SORBS2: variants seen among roughly 807,000 people sequenced by gnomAD.
The protein encoded by SORBS2 is sorbin and SH3 domain containing 2, also known as sorbin and SH3 domain-containing protein 2.
In SORBS2, 46 loss-of-function variants were observed where a neutral mutation model predicts 97.7. That is an observed-to-expected ratio of 0.47 (90% CI 0.37 to 0.60). The LOEUF (loss-of-function observed/expected upper bound fraction) is 0.60, where lower values mean the gene tolerates loss of function less well. Ranked by LOEUF, SORBS2 falls within the 20% of genes least tolerant of loss-of-function variation. The pLI, the probability that SORBS2 is intolerant of heterozygous loss-of-function variation, is 0.00. For synonymous variants in SORBS2, 476 were observed against 473.4 expected (o/e 1.01, Z -0.07); for missense variants, 1,316 against 1,282.3 (o/e 1.03, Z -0.40).
intron 1 of SORBS2, among the ~76,000 whole-genome samples, chr4:185,895,300 T>C (rs2099244472): frequency 1.3e-5 from 2 of 152,184 alleles, no homozygotes; most frequent in Admixed American, 1.3e-4. Context: ...TGTCTGTATG[T>C]TTGCGTAATT....
At chr4:185,633,667 T>A (rs1248660943) in intron 4 of SORBS2, among the ~76,000 whole-genome samples, 2 of 152,056 alleles carry the variant, frequency 1.3e-5, no homozygotes, top group South Asian at 4.1e-4. Flanking sequence ...ATCTTGGAAG[T>A]GCTGAAAAGT....
At chr4:185,645,144 C>T (rs972365052) in intron 4 of SORBS2, among the ~76,000 whole-genome samples, 11 of 152,136 alleles carry the variant, frequency 7.2e-5, no homozygotes, top group Non-Finnish European at 1.0e-4. Flanking sequence ...CCTGACACCA[C>T]GGCTACCAAA....
At chr4:185,682,753 G>A (rs145737527) in intron 2 of SORBS2, among the ~76,000 whole-genome samples, 1 of 152,272 alleles carries the variant, frequency 6.6e-6, no homozygotes, top group Non-Finnish European at 1.5e-5. Context: ...GCTCAGGCCT[G>A]TAATCCCAGC....
At position 185,929,629 on chromosome 4, in the gene SORBS2, G is replaced by A. The variant is rs148394004; in HGVS notation, c.-338+26567C>T. 4.0e-4 allele frequency among the ~76,000 whole-genome samples: 60 copies of A among 150,786 alleles called. No homozygotes were observed. The East Asian group carries it at 0.01, about 26-fold the overall frequency. The stretch of plus-strand genomic sequence containing the variant: ...TGACTCACTGGAACCTCCGCCTCCC[G>A]GGTTCAAGAGATTCTCCTGCCTCAG... On this transcript the variant is annotated intron_variant, in intron 1 of 20. Coordinates refer to the SORBS2 transcript ENST00000284776.
At chr4:185,625,860 C>T (rs990184157) in intron 6 of SORBS2, among the ~76,000 whole-genome samples, 2 of 152,238 alleles carry the variant, frequency 1.3e-5, no homozygotes, top group African/African-American at 4.8e-5. Context: ...TTTTAACTAC[C>T]ATGTGGCAAT....
chr4:185,853,652 G>T (rs776749863), intron 1 of SORBS2, among the ~76,000 whole-genome samples: 4 of 152,184 alleles, frequency 2.6e-5, no homozygotes, highest in Non-Finnish European at 5.9e-5. Context: ...ATTTGTAAAA[G>T]TTCTCAAACA....
intron 2 of SORBS2, among the ~76,000 whole-genome samples, chr4:185,756,842 G>A (rs1049202771): frequency 3.3e-5 from 5 of 150,400 alleles, no homozygotes; most frequent in South Asian, 2.1e-4. Context: ...AACCCTCTAC[G>A]TCTAATCAGT....
intron 2 of SORBS2, among the ~76,000 whole-genome samples, chr4:185,740,651 A>T (rs2098717073): frequency 6.6e-6 from 1 of 151,964 alleles, no homozygotes; most frequent in Admixed American, 6.6e-5. Context: ...TCAGCCCAAT[A>T]TTAACTCAGC....
At chr4:185,831,465 C>T (rs1270960502) in intron 1 of SORBS2, among the ~76,000 whole-genome samples, 2 of 152,184 alleles carry the variant, frequency 1.3e-5, no homozygotes, top group Non-Finnish European at 2.9e-5. Flanking sequence ...GCAGCTGAAT[C>T]CTTTATTTGT....
At chr4:185,638,152 A>C in intron 4 of SORBS2, 1 of 1,606,004 alleles carries the variant, frequency 6.2e-7, no homozygotes, top group Non-Finnish European at 8.5e-7. Flanking sequence ...ATCTGGATTT[A>C]TGCGATCAGT....
At chr4:185,877,903 AAAAG>A (rs1333022971) in intron 1 of SORBS2, among the ~76,000 whole-genome samples, 243 of 147,194 alleles carry the variant, frequency 1.7e-3, no homozygotes, top group African/African-American at 4.9e-3. Flanking sequence ...AAGAAGAAAG[AAAAG>A]AAAGAAAGAA....
At chr4:185,690,510 A>G (rs2098073540) in intron 2 of SORBS2, 52 bp downstream of exon 4, 2 of 1,306,440 alleles carry the variant, frequency 1.5e-6, no homozygotes, top group South Asian at 2.9e-5. Flanking sequence ...TAGGGCCAAC[A>G]TGATTTTTAG....
chr4:185,771,933 G>A (rs1202546983), intron 2 of SORBS2: 2 of 152,072 alleles, frequency 1.3e-5, no homozygotes, highest in Non-Finnish European at 2.9e-5. Context: ...ATGATTTTAT[G>A]TTTCCCAATG....
At chr4:185,776,420 A>G (rs1309054778) in intron 1 of SORBS2, among the ~76,000 whole-genome samples, 1 of 152,162 alleles carries the variant, frequency 6.6e-6, no homozygotes. Flanking sequence ...CACCACCACC[A>G]GGGAGGAAAA....
chr4:185,692,813 C>CAT (rs1467420406), intron 2 of SORBS2, among the ~76,000 whole-genome samples: 2 of 151,896 alleles, frequency 1.3e-5, no homozygotes, highest in African/African-American at 4.8e-5. Flanking sequence ...CACACATACA[C>CAT]ACACACACGT....
chr4:185,618,498 C>G, intron 9 of SORBS2, 87 bp downstream of exon 21: 1 of 648,870 alleles, frequency 1.5e-6, no homozygotes, highest in Non-Finnish European at 2.5e-6. Context: ...TCATTTGTAA[C>G]AGATCCTACT....
In SORBS2 at chr4:185,683,026, AAAAG is replaced by A. The variant is rs1425833652; in HGVS notation, c.-197-4208_-197-4205del. On this transcript the variant is annotated intron_variant, in intron 2 of 20. Coordinates refer to the SORBS2 transcript ENST00000284776. ...GACCCACCCGTCTCAAAAAAAAAAA[AAAAG>A]AAAAGAAAAGAAAAAGAAAAAGGGA... Among the ~76,000 whole-genome samples the A allele has an allele frequency of 2.1e-4, 32 of 150,744 alleles. 1 individual carries two copies. The South Asian group carries it at 2.7e-3, about 13-fold the overall frequency.
intron 1 of SORBS2, among the ~76,000 whole-genome samples, chr4:185,799,361 G>GC (rs1417435621): frequency 6.6e-6 from 1 of 152,218 alleles, no homozygotes; most frequent in Admixed American, 6.5e-5. Flanking sequence ...ATCGTGAGAT[G>GC]CCCAGTGACA....
intron 1 of SORBS2, among the ~76,000 whole-genome samples, chr4:185,874,330 T>C (rs536341056): frequency 4.1e-4 from 63 of 152,028 alleles, no homozygotes; most frequent in Non-Finnish European, 7.9e-4. Flanking sequence ...GGAGAAAAGA[T>C]CAAAAAAGAT....
Sources: gnomAD v4.1 joint callset for allele counts (sites outside exome capture counted in the v4.1 genomes callset) on GRCh38, gnomAD v4.1.1 for gene constraint, MANE v1.5 for transcripts, NCBI Gene and HGNC (gene_info 2026-07-23, HGNC 2026-07-21) for gene names.